The following PDHX variants were observed in gnomAD, a reference collection of about 807,000 sequenced individuals.
PDHX encodes the protein pyruvate dehydrogenase complex component X.
Under a neutral mutation model 55.3 loss-of-function variants are expected in PDHX, and 33 were observed. The ratio of observed to expected loss-of-function variants is 0.60; its 90% CI spans 0.45 to 0.80. The LOEUF (loss-of-function observed/expected upper bound fraction) is 0.80. PDHX is among the 30% of genes least tolerant of loss of function. The pLI, the probability that PDHX is intolerant of heterozygous loss-of-function variation, is 0.00. For missense variants in PDHX, 622 were observed against 619.9 expected, an observed-to-expected ratio of 1.00 and a Z score of -0.04; for synonymous variants, 226 against 219.4, an observed-to-expected ratio of 1.03 and a Z score of -0.27.
chr11:34,959,297 C>T (rs1223102336), intron 4 of PDHX, among the ~76,000 whole-genome samples: 1 of 151,960 alleles, frequency 6.6e-6, no homozygotes, highest in African/African-American at 2.4e-5. Context: ...ACATAGATGG[C>T]CAGCAGGCAC....
intron 10 of PDHX, among the ~76,000 whole-genome samples, 200 bp from the exon 11 acceptor site, chr11:34,994,714 A>G (rs1318072865): frequency 6.6e-6 from 1 of 152,178 alleles, no homozygotes; most frequent in East Asian, 1.9e-4. Flanking sequence ...TATTAATTTT[A>G]CTAGTTATCT....
chr11:34,926,727 C>T (rs1854031998), intron 1 of PDHX, among the ~76,000 whole-genome samples: 1 of 149,722 alleles, frequency 6.7e-6, no homozygotes, highest in African/African-American at 2.5e-5. Context: ...CAATTTAAAG[C>T]TTTGATATAA....
chr11:34,992,458 T>G (rs1855775167), intron 10 of PDHX, 79 bp downstream of exon 10: 1 of 751,986 alleles, frequency 1.3e-6, no homozygotes. Flanking sequence ...AGCCTTTCAT[T>G]TATCTGAAAT....
intron 2 of PDHX, among the ~76,000 whole-genome samples, chr11:34,935,363 T>C (rs1006354615): frequency 2.0e-5 from 3 of 152,184 alleles, no homozygotes; most frequent in Non-Finnish European, 4.4e-5. Context: ...GTACCTAATA[T>C]GGTGCTTAGA....
chr11:34,944,698 G>A (rs1028015916), intron 2 of PDHX, among the ~76,000 whole-genome samples: 2 of 152,110 alleles, frequency 1.3e-5, no homozygotes, highest in African/African-American at 4.8e-5. Flanking sequence ...ATGCTTGCCT[G>A]TTAATATTGC....
intron 7 of PDHX, among the ~76,000 whole-genome samples, chr11:34,971,679 T>A (rs1302399697): frequency 6.6e-6 from 1 of 152,154 alleles, no homozygotes; most frequent in Non-Finnish European, 1.5e-5. Context: ...TTCTGTATCC[T>A]AAAATTTTGT....
intron 3 of PDHX, among the ~76,000 whole-genome samples, chr11:34,954,271 A>C (rs1204606126): frequency 2.0e-5 from 3 of 152,246 alleles, no homozygotes; most frequent in African/African-American, 7.2e-5. Context: ...TCAGAATTAA[A>C]ACAGACAATA....
chr11:34,932,130 G>T (rs1854192352), intron 2 of PDHX, among the ~76,000 whole-genome samples: 1 of 151,848 alleles, frequency 6.6e-6, no homozygotes, highest in African/African-American at 2.4e-5. Flanking sequence ...GTTATGTGAA[G>T]GATAAATTAC....
chr11:34,971,088 T>C (rs1855248364), intron 7 of PDHX, among the ~76,000 whole-genome samples: 1 of 152,158 alleles, frequency 6.6e-6, no homozygotes, highest in African/African-American at 2.4e-5. Context: ...CCAAAACTTT[T>C]AAGGATGTTT....
In PDHX at chr11:34,916,697, G is replaced by C. The variant is rs1189314248; in HGVS notation, c.42G>C (p.Leu14=). The C allele has an allele frequency of 6.2e-7, 1 of 1,612,638 alleles. No homozygotes were observed. Among genetic ancestry groups the C allele is most frequent in the Admixed American group, 1.7e-5 (1 of 60,014 alleles). The change falls in exon 1 of 11, where the codon CTG becomes CTC. Residue 14 remains leucine, a synonymous_variant. Transcript: ENST00000227868. The stretch of plus-strand genomic sequence containing the variant: ...GGCTGGGCTGTGATCCGCGGCTGCT[G>C]CGTTATCTTGTGGGCTTCCCCGGCC... ...SWRLGCDPRL[L]RYLVGFPGRR...
chr11:34,916,888 G>C (rs1021198214), intron 1 of PDHX, 73 bp downstream of exon 1: 2 of 1,396,362 alleles, frequency 1.4e-6, no homozygotes, highest in Non-Finnish European at 2.0e-6. Context: ...AGTTATGATT[G>C]AGGGCCTGCT....
At chr11:34,988,737 GA>G (rs1855702455) in intron 9 of PDHX, among the ~76,000 whole-genome samples, 1 of 152,138 alleles carries the variant, frequency 6.6e-6, no homozygotes, top group Non-Finnish European at 1.5e-5. Context: ...TTTTGGTTTG[GA>G]ATTTGAAATA....
At chr11:34,986,394 A>T (rs557501185) in intron 9 of PDHX, among the ~76,000 whole-genome samples, 1 of 152,060 alleles carries the variant, frequency 6.6e-6, no homozygotes, top group South Asian at 2.1e-4. Context: ...GAGATATAGT[A>T]TGTTCCTTGT....
intron 1 of PDHX, among the ~76,000 whole-genome samples, chr11:34,926,331 T>C (rs1320179786): frequency 6.6e-6 from 1 of 152,208 alleles, no homozygotes; most frequent in African/African-American, 2.4e-5. Flanking sequence ...TTTTATTTAG[T>C]GTGTTCTGAC....
At chr11:34,949,213 A>G (rs1854693950) in intron 3 of PDHX, among the ~76,000 whole-genome samples, 1 of 150,198 alleles carries the variant, frequency 6.7e-6, no homozygotes, top group Non-Finnish European at 1.5e-5. Flanking sequence ...ATCAGGGACA[A>G]ACTAGTAAAT....
At chr11:34,989,882 G>A (rs1445905296) in intron 9 of PDHX, among the ~76,000 whole-genome samples, 1 of 152,184 alleles carries the variant, frequency 6.6e-6, no homozygotes, top group Non-Finnish European at 1.5e-5. Flanking sequence ...CTAGAAGAGT[G>A]CTTGGGATAC....
intron 1 of PDHX, among the ~76,000 whole-genome samples, chr11:34,923,487 C>T (rs1165399970): frequency 6.6e-6 from 1 of 152,108 alleles, no homozygotes; most frequent in Non-Finnish European, 1.5e-5. Flanking sequence ...ACTCAGATCT[C>T]CCTGTAATTT....
At chr11:34,956,290 C>G (rs904010749) in intron 3 of PDHX, among the ~76,000 whole-genome samples, 1 of 152,014 alleles carries the variant, frequency 6.6e-6, no homozygotes, top group Non-Finnish European at 1.5e-5. Context: ...CTTCCTAACC[C>G]CTTATAACTT....
intron 7 of PDHX, 45 bp downstream of exon 7, chr11:34,970,331 A>C (rs1855231698): frequency 1.4e-6 from 2 of 1,435,456 alleles, no homozygotes; most frequent in Non-Finnish European, 2.0e-6. Context: ...ATGCTAACTT[A>C]ACTTTCATGA....
Sources: allele counts gnomAD v4.1 joint callset (sites outside exome capture counted in the v4.1 genomes callset), GRCh38; gene constraint gnomAD v4.1.1; transcripts MANE v1.5; gene names NCBI Gene and HGNC (gene_info 2026-07-23, HGNC 2026-07-21).